Variants in PSMC1 observed in about 807,000 individuals in gnomAD.
PSMC1 encodes proteasome 26S subunit, ATPase 1, also known as 26S proteasome regulatory subunit 4.
A neutral mutation model predicts 49.8 loss-of-function variants in PSMC1; 5 were observed. The ratio of observed to expected loss-of-function variants is 0.10; its 90% CI spans 0.05 to 0.21. The LOEUF (loss-of-function observed/expected upper bound fraction) is 0.21, where lower values mean the gene tolerates loss of function less well. PSMC1 is among the 10% of genes least tolerant of loss of function. PSMC1 has a pLI of 1.00. For missense variants in PSMC1, 181 were observed against 535.7 expected (o/e 0.34, Z 6.54); for synonymous variants, 155 against 192.1 (o/e 0.81, Z 1.60).
chr14:90,265,525 C>T (rs1383065442), intron 7 of PSMC1, among the ~76,000 whole-genome samples: 1 of 151,764 alleles, frequency 6.6e-6, no homozygotes, highest in African/African-American at 2.4e-5. Context: ...CCCGTCTCTA[C>T]TAAAAATACA....
intron 4 of PSMC1, 31 bp downstream of exon 4, chr14:90,263,473 T>G (rs2139645428): frequency 6.5e-7 from 1 of 1,544,538 alleles, no homozygotes; most frequent in South Asian, 1.2e-5. Flanking sequence ...CATTTTCTTT[T>G]TTACAAATTG....
intron 6 of PSMC1, 97 bp downstream of exon 6, chr14:90,264,266 T>TA: frequency 1.3e-6 from 2 of 1,523,934 alleles, no homozygotes; most frequent in Non-Finnish European, 1.8e-6. Flanking sequence ...GCTTATTTAT[T>TA]AATCAAACCA....
Position 90,260,245 on chromosome 14 carries a change from G to A in PSMC1, c.154+34G>A, listed in dbSNP as rs376897287. ...ATGGCTTCTCCTTGCCATCTTTCCAGTTCTTAGGATAAACCATCTCTGTGC... is the reference window on the plus strand; with the variant it reads ...ATGGCTTCTCCTTGCCATCTTTCCAATTCTTAGGATAAACCATCTCTGTGC... On this transcript the variant is annotated intron_variant, in intron 3 of 10. Transcript: ENST00000261303. 59 of 1,479,718 alleles carry A rather than the reference G, an allele frequency of 4.0e-5. No individual in the cohort carries two copies. In the African/African-American group the frequency reaches 7.0e-4, roughly 17 times the overall value. The allele number at this position is 1,479,718 out of a possible 1,614,324, so 91.7% of individuals were successfully genotyped here.
chr14:90,262,938 A>T (rs1435100142), intron 3 of PSMC1, among the ~76,000 whole-genome samples: 1 of 152,264 alleles, frequency 6.6e-6, no homozygotes, highest in Non-Finnish European at 1.5e-5. Flanking sequence ...GAGTATGTAT[A>T]TAGCCAGCAT....
At chr14:90,271,297 C>T (rs1595046985) in intron 10 of PSMC1, 1 of 152,062 alleles carries the variant, frequency 6.6e-6, no homozygotes, top group Non-Finnish European at 1.5e-5. Context: ...TAATTACTGG[C>T]CAAAAGAAAA....
At position 90,264,060 on chromosome 14, in the gene PSMC1, T is replaced by G; in HGVS notation, c.485T>G (p.Val162Gly). Residue 162 changes from valine (V) to glycine (G), a missense_variant, in exon 6 of 11, where the codon GTG becomes GGG. Physicochemically the swap from Val to Gly is moderately radical, Grantham distance 109 (BLOSUM62 -3). Coordinates refer to ENST00000261303, the MANE Select transcript of PSMC1 (RefSeq NM_002802.3). ...LNHKVHAVIGVLMDDTDPLVT... is the reference protein window; with the variant it reads ...LNHKVHAVIGGLMDDTDPLVT... ...TGTTAGGTGCATGCCGTGATAGGGGTGCTGATGGATGACACGGATCCCCTG... is the reference window on the plus strand; with the variant it reads ...TGTTAGGTGCATGCCGTGATAGGGGGGCTGATGGATGACACGGATCCCCTG... The G allele has an allele frequency of 6.2e-7, 1 of 1,611,764 alleles. No individual in the cohort carries two copies. Among genetic ancestry groups the G allele is most frequent in the Non-Finnish European group, 8.5e-7 (1 of 1,179,388 alleles).
At chr14:90,260,474 G>A (rs891962906) in intron 3 of PSMC1, among the ~76,000 whole-genome samples, 3 of 152,218 alleles carry the variant, frequency 2.0e-5, no homozygotes, top group African/African-American at 7.2e-5. Flanking sequence ...GTTCACGCCT[G>A]TAATCCCAGC....
intron 8 of PSMC1, chr14:90,268,655 G>A (rs1891581422): frequency 2.4e-6 from 1 of 415,178 alleles, no homozygotes; most frequent in Non-Finnish European, 4.3e-6. Flanking sequence ...CCCTGATCCA[G>A]GACCATCTGG....
In PSMC1 at chr14:90,274,838, A is replaced by ACACACACACAC. The variant is rs1491397403; in HGVS notation, c.*2432_*2433insACACACACACC. 1 of 67,186 alleles carries ACACACACACAC rather than the reference A, an allele frequency of 1.5e-5. No homozygotes were observed. The highest frequency in any genetic ancestry group is 3.4e-4 in the East Asian group (1 of 2,966). 4.2% of individuals were successfully genotyped at this position (67,186 alleles called of 1,614,324 possible). A position where few individuals can be genotyped will look rare whatever the true frequency, so the allele number is the denominator to read the frequency against. On this transcript the variant is annotated 3_prime_UTR_variant, in exon 11 of 11. Coordinates refer to ENST00000261303, the MANE Select transcript of PSMC1 (RefSeq NM_002802.3). ...CACACACACACACACACACACACAC[A>ACACACACACAC]CCCCAATACATATGAATTGATCTGA... is the stretch of plus-strand genomic sequence containing the variant.
chr14:90,269,886 CAG>C lies in PSMC1; in HGVS notation c.1034-311_1034-310del, dbSNP rs1047591763. 10 of 373,476 alleles carry C rather than the reference CAG, an allele frequency of 2.7e-5. 1 individual carries two copies. The South Asian group carries it at 3.1e-4, about 11-fold the overall frequency. 23.1% of individuals were successfully genotyped at this position (373,476 alleles called of 1,614,324 possible). A position where few individuals can be genotyped will look rare whatever the true frequency, so the allele number is the denominator to read the frequency against. On this transcript the variant is annotated intron_variant, in intron 9 of 10. Coordinates refer to ENST00000261303, the MANE Select transcript of PSMC1 (RefSeq NM_002802.3). ...TACATTCAGGTAGCATCAGAAGAAA[CAG>C]TGATTTGTTTGCTGTCTTTTGTAAT... is the stretch of plus-strand genomic sequence containing the variant.
intron 3 of PSMC1, among the ~76,000 whole-genome samples, chr14:90,260,935 C>A (rs1242598264): frequency 1.3e-5 from 2 of 152,130 alleles, no homozygotes; most frequent in Non-Finnish European, 2.9e-5. Context: ...TGACAAAACC[C>A]AGGTTGAACT....
At chr14:90,267,192 C>T (rs971489614) in intron 7 of PSMC1, among the ~76,000 whole-genome samples, 53 of 151,270 alleles carry the variant, frequency 3.5e-4, no homozygotes, top group Admixed American at 1.5e-3. Context: ...TGCAATGGCG[C>T]GATCTTGGCT....
At chr14:90,267,923 C>T (rs1333837002) in intron 7 of PSMC1, 7 of 281,150 alleles carry the variant, frequency 2.5e-5, no homozygotes, top group South Asian at 6.8e-5. Flanking sequence ...AATTATAGTT[C>T]GCAGCTTTTC....
chr14:90,266,942 A>G (rs1566674125), intron 7 of PSMC1, among the ~76,000 whole-genome samples: 1 of 152,014 alleles, frequency 6.6e-6, no homozygotes, highest in Non-Finnish European at 1.5e-5. Flanking sequence ...TCCCTGTCAC[A>G]CACCAGCTAG....
intron 3 of PSMC1, among the ~76,000 whole-genome samples, chr14:90,261,174 A>G (rs766837717): frequency 1.3e-5 from 2 of 152,160 alleles, no homozygotes; most frequent in Non-Finnish European, 2.9e-5. Flanking sequence ...ACTTTTGTAC[A>G]TATCAGGGCC....
chr14:90,263,952 C>T, intron 5 of PSMC1, 89 bp from the exon 6 acceptor site: 7 of 1,580,840 alleles, frequency 4.4e-6, no homozygotes, highest in African/African-American at 2.7e-5. Flanking sequence ...ACTCCTCAGG[C>T]AGAAGGATGC....
At chr14:90,264,641 A>G (rs906370264) in intron 6 of PSMC1, among the ~76,000 whole-genome samples, 5 of 152,184 alleles carry the variant, frequency 3.3e-5, no homozygotes, top group African/African-American at 9.7e-5. Flanking sequence ...TTCATAGGGA[A>G]GTCATTCCGA....
chr14:90,272,836 G>A lies in PSMC1; in HGVS notation c.*429G>A, dbSNP rs61989986. ...CACTACCACAGAGCCAGGGATATTC[G>A]TTGTTTAAATAATAAAGGCTGCGTT... is the stretch of plus-strand genomic sequence containing the variant. On this transcript the variant is annotated 3_prime_UTR_variant, in exon 11 of 11. Transcript: ENST00000261303. The surrounding 1 kb of genome is among the most constrained non-coding windows in gnomAD (Gnocchi z 4.5). 38,493 of 153,836 alleles carry A rather than the reference G, an allele frequency of 0.25. 5,476 individuals are homozygous for A. Among genetic ancestry groups the A allele is most frequent in the Middle Eastern group, 0.41 (124 of 300 alleles). The allele number at this position is 153,836 out of a possible 1,614,324, so 9.5% of individuals were successfully genotyped here. A position where few individuals can be genotyped will look rare whatever the true frequency, so the allele number is the denominator to read the frequency against.
chr14:90,265,647 C>CCACTGCG (rs1351328768), intron 7 of PSMC1, among the ~76,000 whole-genome samples: 1 of 149,484 alleles, frequency 6.7e-6, no homozygotes, highest in Non-Finnish European at 1.5e-5. Context: ...GGAGACAGCG[C>CCACTGCG]CACTGCACTC....
Sources: allele counts gnomAD v4.1 joint callset (sites outside exome capture counted in the v4.1 genomes callset), GRCh38; gene constraint gnomAD v4.1.1; non-coding constraint Gnocchi (gnomAD v3.1); transcripts MANE v1.5; gene names NCBI Gene and HGNC (gene_info 2026-07-23, HGNC 2026-07-21).